The following DCBLD1 variants were observed in gnomAD, a reference collection of about 807,000 sequenced individuals.
DCBLD1 encodes the protein discoidin, CUB and LCCL domain containing 1.
A neutral mutation model predicts 71.5 loss-of-function variants in DCBLD1; 57 were observed. That is an observed-to-expected ratio of 0.80 (90% CI 0.64 to 0.99). The LOEUF (loss-of-function observed/expected upper bound fraction) is 0.99. DCBLD1 is among the 50% of genes least tolerant of loss of function. The probability of loss-of-function intolerance (pLI) is 0.00; values close to 1 mark genes in which losing one functional copy is unlikely to be tolerated. For missense variants in DCBLD1, 891 were observed against 923.5 expected, an observed-to-expected ratio of 0.96 and a Z score of 0.46; for synonymous variants, 380 against 363.8, an observed-to-expected ratio of 1.04 and a Z score of -0.51.
At chr6:117,553,777 T>TG (rs1476459780), downstream of DCBLD1, among the ~76,000 whole-genome samples, 2 of 152,214 alleles carry the variant, frequency 1.3e-5, no homozygotes, top group Non-Finnish European at 2.9e-5. Flanking sequence ...AGGTGTTTTT[T>TG]TTGTTGTTGC....
chr6:117,514,962 A>T (rs1282464545), intron 2 of DCBLD1, among the ~76,000 whole-genome samples: 3 of 151,936 alleles, frequency 2.0e-5, no homozygotes, highest in Non-Finnish European at 4.4e-5. Context: ...TAAAAAAAAA[A>T]ATCTAAGCAA....
chr6:117,566,541 G>C (rs572872750), intron 14 of DCBLD1, among the ~76,000 whole-genome samples: 1 of 152,202 alleles, frequency 6.6e-6, no homozygotes, highest in South Asian at 2.1e-4. Context: ...TAGTCTACAA[G>C]ATAGATCTAC....
intron 1 of DCBLD1, 88 bp downstream of exon 1, chr6:117,482,981 CTACGGGG>C: frequency 1.7e-6 from 1 of 581,710 alleles, no homozygotes; most frequent in Non-Finnish European, 2.0e-6. Context: ...GGGCCGAGGG[CTACGGGG>C]CGGGCCGGGC....
At chr6:117,519,265 T>G (rs1176275768) in intron 2 of DCBLD1, among the ~76,000 whole-genome samples, 3 of 152,202 alleles carry the variant, frequency 2.0e-5, no homozygotes, top group Admixed American at 6.5e-5. Flanking sequence ...TCAAAATGCT[T>G]TAGAAATTAT....
rs1186090590 is a variant in DCBLD1, at chr6:117,560,285, C to T, written c.1616-9335C>T. On this transcript the variant is annotated intron_variant, in intron 14 of 14. Coordinates refer to the DCBLD1 transcript ENST00000296955. ...GCCAAAATATTTAACGTCAAGGAAA[C>T]AAAATGTTTATTTAAAAAAATGAGA... is the stretch of plus-strand genomic sequence containing the variant. The T allele has an allele frequency of 2.3e-5, 4 of 174,656 alleles. No homozygotes were observed. In the South Asian group the frequency reaches 6.0e-4, roughly 26 times the overall value. 10.8% of individuals were successfully genotyped at this position (174,656 alleles called of 1,614,324 possible).
At chr6:117,537,139 T>G in intron 6 of DCBLD1, 46 bp from the exon 7 acceptor site, 1 of 1,602,884 alleles carries the variant, frequency 6.2e-7, no homozygotes, top group Non-Finnish European at 8.5e-7. Flanking sequence ...GTCACTAAGA[T>G]GTAGGTGAGC....
At chr6:117,502,266 C>G (rs939407016) in intron 1 of DCBLD1, among the ~76,000 whole-genome samples, 2 of 152,168 alleles carry the variant, frequency 1.3e-5, no homozygotes, top group Admixed American at 6.5e-5. Flanking sequence ...GTAGTTTTAT[C>G]TTGGCTGTCT....
At chr6:117,487,282 A>G (rs1421211755) in intron 1 of DCBLD1, among the ~76,000 whole-genome samples, 2 of 152,060 alleles carry the variant, frequency 1.3e-5, no homozygotes, top group East Asian at 3.8e-4. Flanking sequence ...TGGGGTGAGA[A>G]GGCAGTGAAA....
rs190374646 is a variant in DCBLD1 at position 117,500,222 on chromosome 6, A to G, written c.113-3545A>G. 3.7e-4 allele frequency among the ~76,000 whole-genome samples: 56 copies of G among 152,362 alleles called. No individual in the cohort carries two copies. The South Asian group carries it at 9.9e-3, about 27-fold the overall frequency. On this transcript the variant is annotated intron_variant, in intron 1 of 14. Transcript: ENST00000338728. ...TGATGTAGTTAATACCCATGGAATA[A>G]ACTTATTATATTAGTCTTGCCACAG...
intron 3 of DCBLD1, 130 bp downstream of exon 3, chr6:117,520,080 A>T: frequency 2.1e-6 from 3 of 1,414,166 alleles, no homozygotes; most frequent in Non-Finnish European, 2.9e-6. Context: ...GAAGAGGAAC[A>T]TGGTATCTTT....
intron 6 of DCBLD1, 107 bp from the exon 7 acceptor site, chr6:117,537,078 A>G (rs1778905882): frequency 9.4e-7 from 1 of 1,060,044 alleles, no homozygotes; most frequent in Non-Finnish European, 1.5e-6. Context: ...AGGATCATGT[A>G]AGGAAGCACA....
In DCBLD1 at chr6:117,549,648, C is replaced by A. The variant is rs1022954427; in HGVS notation, c.*1209C>A. On this transcript the variant is annotated 3_prime_UTR_variant, in exon 15 of 15. Transcript: ENST00000338728. Reference sequence around the variant, plus strand: ...AACCCTATTTGTGTGGTTATTACATCCTGTGAAATGTATATATGTTAAAAT... The same window carrying A: ...AACCCTATTTGTGTGGTTATTACATACTGTGAAATGTATATATGTTAAAAT... 1.0e-6 allele frequency: 1 copy of A among 985,158 alleles called. No individual in the cohort carries two copies. The highest frequency in any genetic ancestry group is 1.7e-5 in the African/African-American group (1 of 57,162). 61.0% of individuals were successfully genotyped at this position (985,158 alleles called of 1,614,324 possible). A position where few individuals can be genotyped will look rare whatever the true frequency, so the allele number is the denominator to read the frequency against.
intron 1 of DCBLD1, chr6:117,494,857 G>A (rs1311002254): frequency 6.6e-6 from 1 of 152,158 alleles, no homozygotes; most frequent in African/African-American, 2.4e-5. Context: ...GTCTAACCCA[G>A]GAGTTCACCA....
chr6:117,502,093 A>C (rs1350999635), intron 1 of DCBLD1, among the ~76,000 whole-genome samples: 2 of 152,020 alleles, frequency 1.3e-5, no homozygotes, highest in African/African-American at 4.8e-5. Context: ...TGCTCCTCTG[A>C]TCCAGATTCT....
chr6:117,547,765 G>A (rs1438953086), intron 14 of DCBLD1, 142 bp from the exon 15 acceptor site: 12 of 1,533,314 alleles, frequency 7.8e-6, no homozygotes, highest in African/African-American at 4.1e-5. Context: ...TCACATCAGG[G>A]TTTTCCGCAG....
intron 4 of DCBLD1, among the ~76,000 whole-genome samples, chr6:117,525,054 T>C (rs1306801163): frequency 1.3e-5 from 2 of 152,162 alleles, no homozygotes; most frequent in Non-Finnish European, 2.9e-5. Context: ...ATATAATGTT[T>C]AGAAATGTTC....
At chr6:117,542,328 C>T (rs1190068814) in intron 11 of DCBLD1, among the ~76,000 whole-genome samples, 1 of 151,250 alleles carries the variant, frequency 6.6e-6, no homozygotes, top group Admixed American at 6.6e-5. Context: ...GTAATAATAA[C>T]ACTTCTGTTA....
intron 14 of DCBLD1, among the ~76,000 whole-genome samples, chr6:117,556,978 CT>C (rs34703019): frequency 3.3e-5 from 5 of 151,300 alleles, no homozygotes; most frequent in African/African-American, 7.3e-5. Flanking sequence ...TGATGTTGAA[CT>C]TTTTTTTTCA....
chr6:117,508,631 T>C (rs1309538158), intron 2 of DCBLD1, among the ~76,000 whole-genome samples: 1 of 152,148 alleles, frequency 6.6e-6, no homozygotes, highest in Non-Finnish European at 1.5e-5. Flanking sequence ...GACTTAGAGA[T>C]TTGAATTTAC....
Sources: allele counts gnomAD v4.1 joint callset (sites outside exome capture counted in the v4.1 genomes callset), GRCh38; gene constraint gnomAD v4.1.1; transcripts MANE v1.5; gene names NCBI Gene and HGNC (gene_info 2026-07-23, HGNC 2026-07-21).